NDUFS4: variants seen among roughly 807,000 people sequenced by gnomAD.
The protein encoded by NDUFS4 is NADH:ubiquinone oxidoreductase subunit S4.
A neutral mutation model predicts 24.3 loss-of-function variants in NDUFS4; 28 were observed. The observed-to-expected ratio is 1.15, with a 90% CI of 0.85 to 1.58. NDUFS4 has a LOEUF of 1.58. Ranked by LOEUF, NDUFS4 falls within the 40% of genes most tolerant of loss-of-function variation. NDUFS4 has a pLI of 0.00. For synonymous variants in NDUFS4, 93 were observed against 69.7 expected (o/e 1.34, Z -1.67); for missense variants, 223 against 207.9 (o/e 1.07, Z -0.45).
intron 2 of NDUFS4, among the ~76,000 whole-genome samples, chr5:53,639,505 A>G (rs572412649): frequency 2.6e-5 from 4 of 152,006 alleles, no homozygotes; most frequent in African/African-American, 9.6e-5. Flanking sequence ...TTACTTAAGT[A>G]TAACTTTAAG....
At chr5:53,661,252 T>G (rs1354887488) in intron 4 of NDUFS4, among the ~76,000 whole-genome samples, 10 of 152,214 alleles carry the variant, frequency 6.6e-5, no homozygotes, top group Non-Finnish European at 1.2e-4. Context: ...ATTTCTTAAA[T>G]AGGGAATCCT....
chr5:53,606,458 C>T (rs1009640839), intron 2 of NDUFS4, among the ~76,000 whole-genome samples: 21 of 152,008 alleles, frequency 1.4e-4, no homozygotes, highest in African/African-American at 5.1e-4. Context: ...ACCTCCGCCT[C>T]CCAGTTCAAG....
chr5:53,626,641 G>C (rs951152768), intron 2 of NDUFS4, among the ~76,000 whole-genome samples: 1 of 152,160 alleles, frequency 6.6e-6, no homozygotes, highest in Non-Finnish European at 1.5e-5. Flanking sequence ...GTGATGATGA[G>C]CATTTTTTCA....
chr5:53,628,341 T>C (rs1177255006), intron 2 of NDUFS4, among the ~76,000 whole-genome samples: 5 of 152,228 alleles, frequency 3.3e-5, no homozygotes, highest in African/African-American at 1.2e-4. Flanking sequence ...CATAACATTT[T>C]CTTTTTTTGT....
chr5:53,621,784 C>T (rs1252149103), intron 2 of NDUFS4, among the ~76,000 whole-genome samples: 2 of 145,864 alleles, frequency 1.4e-5, no homozygotes, highest in Non-Finnish European at 3.0e-5. Flanking sequence ...TCACTGCAAG[C>T]TCCGCCTCCC....
chr5:53,667,523 TTC>T (rs1435614765), intron 4 of NDUFS4, among the ~76,000 whole-genome samples: 2 of 151,638 alleles, frequency 1.3e-5, no homozygotes, highest in East Asian at 3.9e-4. Flanking sequence ...GGGGGATCTT[TTC>T]CAAATTCCAC....
At chr5:53,585,681 G>A (rs1465091003) in intron 1 of NDUFS4, among the ~76,000 whole-genome samples, 3 of 152,004 alleles carry the variant, frequency 2.0e-5, no homozygotes, top group Non-Finnish European at 2.9e-5. Context: ...GGCGGAGGTT[G>A]CGGTGAGCCG....
intron 4 of NDUFS4, among the ~76,000 whole-genome samples, chr5:53,671,395 C>A (rs1455571980): frequency 6.6e-6 from 1 of 152,108 alleles, no homozygotes; most frequent in Non-Finnish European, 1.5e-5. Flanking sequence ...CCTATGACTT[C>A]ATTTTCTCCC....
rs140378889 is a variant in NDUFS4 at position 53,682,383 on chromosome 5, T to TA, written c.425-734dup. 3.0e-3 allele frequency among the ~76,000 whole-genome samples: 457 copies of TA among 152,060 alleles called. 2 individuals carry two copies. Among genetic ancestry groups the TA allele is most frequent in the African/African-American group, 0.011 (445 of 41,496 alleles). On this transcript the variant is annotated intron_variant, in intron 4 of 4. Coordinates refer to ENST00000296684, the MANE Select transcript of NDUFS4 (RefSeq NM_002495.4). The stretch of plus-strand genomic sequence containing the variant: ...CTTTGATTAGCGGCCCTTACTTTTT[T>TA]ATGCATAAAAATCTCCTGGAATTGA...
intron 1 of NDUFS4, among the ~76,000 whole-genome samples, chr5:53,592,053 C>T (rs956770787): frequency 6.6e-6 from 1 of 152,010 alleles, no homozygotes; most frequent in Non-Finnish European, 1.5e-5. Context: ...ATTCACCTGC[C>T]ACAGCCTCTT....
At chr5:53,589,598 G>C (rs1196575683) in intron 1 of NDUFS4, among the ~76,000 whole-genome samples, 3 of 152,180 alleles carry the variant, frequency 2.0e-5, no homozygotes, top group Admixed American at 6.5e-5. Flanking sequence ...ATTAGAAGGA[G>C]AATATGATTA....
rs115409534 is a variant in NDUFS4 at position 53,649,710 on chromosome 5, A to G, written c.350+3305A>G. ...GTAGATACCAAGTAGTGAGACTGCTAGGTCAAATGGTAGTTCTGTTTTTAG... is the reference window on the plus strand; with the variant it reads ...GTAGATACCAAGTAGTGAGACTGCTGGGTCAAATGGTAGTTCTGTTTTTAG... On this transcript the variant is annotated intron_variant, in intron 3 of 4. Coordinates refer to ENST00000296684, the MANE Select transcript of NDUFS4 (RefSeq NM_002495.4). 8.5e-3 allele frequency among the ~76,000 whole-genome samples: 1,297 copies of G among 152,300 alleles called. 9 individuals are homozygous for G. Among genetic ancestry groups the G allele is most frequent in the Non-Finnish European group, 0.012 (785 of 68,016 alleles).
intron 2 of NDUFS4, among the ~76,000 whole-genome samples, chr5:53,623,651 C>T (rs925032301): frequency 6.6e-6 from 1 of 152,094 alleles, no homozygotes; most frequent in African/African-American, 2.4e-5. Flanking sequence ...AAGATTTCCT[C>T]CTATGTTTTC....
chr5:53,680,234 A>G (rs1047708446), intron 4 of NDUFS4, among the ~76,000 whole-genome samples: 2 of 152,142 alleles, frequency 1.3e-5, no homozygotes, highest in Admixed American at 6.6e-5. Flanking sequence ...TAGCCATGCA[A>G]CCTATAAACT....
chr5:53,665,627 G>C (rs776055414), intron 4 of NDUFS4, among the ~76,000 whole-genome samples: 9 of 152,244 alleles, frequency 5.9e-5, no homozygotes, highest in African/African-American at 1.4e-4. Flanking sequence ...CTCCGAGCCA[G>C]GTGCGGGATA....
rs77600584 is a variant in NDUFS4, at chr5:53,593,414, T to C, written c.99-10038T>C. Among the ~76,000 whole-genome samples, 414 of 151,964 alleles carry C rather than the reference T, an allele frequency of 2.7e-3. 2 individuals are homozygous for C. Among genetic ancestry groups the C allele is most frequent in the African/African-American group, 9.5e-3 (395 of 41,500 alleles). ...TATATTAGGGCTTTGTCTCTCTCTC[T>C]CTCTCTCTCTCATCTGTCTGTTTCT... On this transcript the variant is annotated intron_variant, in intron 1 of 4. Transcript: ENST00000296684.
chr5:53,600,289 C>T (rs190058368), intron 1 of NDUFS4, among the ~76,000 whole-genome samples: 249 of 149,610 alleles, frequency 1.7e-3, no homozygotes, highest in African/African-American at 5.5e-3. Context: ...GTGAGCCGGC[C>T]CGCCCGGCCT....
At chr5:53,654,092 A>G (rs1752096828) in intron 3 of NDUFS4, among the ~76,000 whole-genome samples, 1 of 152,110 alleles carries the variant, frequency 6.6e-6, no homozygotes, top group Admixed American at 6.5e-5. Context: ...ATGATATTCA[A>G]CATCCTTATT....
chr5:53,635,974 C>T (rs1000115369), intron 2 of NDUFS4, among the ~76,000 whole-genome samples: 16 of 152,076 alleles, frequency 1.1e-4, no homozygotes, highest in Admixed American at 3.3e-4. Flanking sequence ...TTTGAATACC[C>T]GTTGCAAAGT....
Sources: gnomAD v4.1 joint callset for allele counts (sites outside exome capture counted in the v4.1 genomes callset) on GRCh38, gnomAD v4.1.1 for gene constraint, MANE v1.5 for transcripts, NCBI Gene and HGNC (gene_info 2026-07-23, HGNC 2026-07-21) for gene names.